The following USP40 variants were observed in gnomAD, a reference collection of about 807,000 sequenced individuals.
USP40 encodes the protein ubiquitin specific peptidase 40, also known as ubiquitin carboxyl-terminal hydrolase 40.
A neutral mutation model predicts 166.2 loss-of-function variants in USP40; 143 were observed. That is an observed-to-expected ratio of 0.86 (90% confidence interval 0.75 to 0.99). The LOEUF is 0.99. Ranked by LOEUF, USP40 falls within the 50% of genes least tolerant of loss-of-function variation. The pLI, the probability that USP40 is intolerant of heterozygous loss-of-function variation, is 0.00. For synonymous variants in USP40, 498 were observed against 524.0 expected (o/e 0.95, Z 0.68); for missense variants, 1,444 against 1,479.7 (o/e 0.98, Z 0.40).
chr2:233,477,825 C>A (rs1165798888), intron 31 of USP40, among the ~76,000 whole-genome samples: 1 of 152,250 alleles, frequency 6.6e-6, no homozygotes, highest in Non-Finnish European at 1.5e-5. Flanking sequence ...GAATAACATC[C>A]GGAGTGCACA....
rs527670015 is a variant in USP40, at chr2:233,502,583, T to C, written c.2614-2668A>G. Among the ~76,000 whole-genome samples, 26 of 152,152 alleles carry C rather than the reference T, an allele frequency of 1.7e-4. 1 individual carries two copies. Among genetic ancestry groups the C allele is most frequent in the African/African-American group, 5.8e-4 (24 of 41,520 alleles). On this transcript the variant is annotated intron_variant, in intron 21 of 31. Transcript: ENST00000678225. Reference sequence around the variant, plus strand: ...GCACAGCTGCCTGACCCACACATGTTTGCACCCAGCCCAATAGCAAGTGTG... The same window carrying C: ...GCACAGCTGCCTGACCCACACATGTCTGCACCCAGCCCAATAGCAAGTGTG...
intron 11 of USP40, 85 bp from the exon 12 acceptor site, chr2:233,529,597 G>T: frequency 1.1e-6 from 1 of 900,536 alleles, no homozygotes; most frequent in Non-Finnish European, 1.6e-6. Flanking sequence ...AGGAAGGACT[G>T]TCCTAGGAGC....
Position 233,486,485 on chromosome 2 carries a change from G to C in USP40, c.3198-508C>G, listed in dbSNP as rs1218501584. ...GTGAGACACAAGGCTGCAGCTGTGG[G>C]AGATGGGAAACCTTAGCAGGAGGAG... On this transcript the variant is annotated intron_variant, in intron 28 of 31. Coordinates refer to ENST00000678225, the MANE Select transcript of USP40 (RefSeq NM_001365479.2). This position sits in a 1 kb window ranked among gnomAD's most constrained non-coding sequence, Gnocchi z 4.0. Among the ~76,000 whole-genome samples, 1 of 152,190 alleles carries C rather than the reference G, an allele frequency of 6.6e-6. No individual in the cohort carries two copies.
At chr2:233,479,561 C>CAA (rs1295940321) in intron 31 of USP40, among the ~76,000 whole-genome samples, 1 of 96,356 alleles carries the variant, frequency 1.0e-5, no homozygotes. Flanking sequence ...GACTCCGTCG[C>CAA]AAAAAAAAAA....
At chr2:233,554,264 C>A in intron 6 of USP40, 116 bp downstream of exon 6, 1 of 1,081,558 alleles carries the variant, frequency 9.2e-7, no homozygotes, top group East Asian at 2.9e-5. Context: ...ATGTAAATAT[C>A]TTTTCAATCC....
In USP40 at chr2:233,510,494, C is replaced by T. The variant is rs1220752562; in HGVS notation, c.2527-359G>A. On this transcript the variant is annotated intron_variant, in intron 20 of 31. Transcript: ENST00000678225. ...CTTGGCTCACTGCAACCTCTGCTTC[C>T]CAAGTTCAAGCGATTCTCCTACCTC... is the stretch of plus-strand genomic sequence containing the variant. Among the ~76,000 whole-genome samples, 7 of 142,530 alleles carry T rather than the reference C, an allele frequency of 4.9e-5. No homozygotes were observed. The South Asian group carries it at 8.8e-4, about 18-fold the overall frequency. 93.5% of individuals were successfully genotyped at this position (142,530 alleles called of 152,430 possible).
chr2:233,478,085 A>G (rs1460656572), intron 31 of USP40, among the ~76,000 whole-genome samples: 1 of 152,228 alleles, frequency 6.6e-6, no homozygotes. Flanking sequence ...TCCGCGGCCC[A>G]CCCGCCATCC....
intron 10 of USP40, among the ~76,000 whole-genome samples, chr2:233,538,881 T>C (rs2069136183): frequency 6.6e-6 from 1 of 151,980 alleles, no homozygotes; most frequent in African/African-American, 2.4e-5. Flanking sequence ...AAAGAACACA[T>C]AGCCAGGTGT....
At chr2:233,556,156 A>G (rs1389281594) in intron 5 of USP40, among the ~76,000 whole-genome samples, 10 of 151,980 alleles carry the variant, frequency 6.6e-5, no homozygotes, top group Non-Finnish European at 1.3e-4. Context: ...GTCCTGATAC[A>G]AATACACAAA....
intron 11 of USP40, among the ~76,000 whole-genome samples, chr2:233,529,814 CTT>C (rs369071345): frequency 7.5e-6 from 1 of 133,950 alleles, no homozygotes; most frequent in African/African-American, 2.9e-5. Context: ...TTTTCTTTTT[CTT>C]TTTTTTTTTG....
intron 26 of USP40, chr2:233,490,933 A>G: frequency 1.5e-6 from 1 of 661,378 alleles, no homozygotes; most frequent in Non-Finnish European, 2.8e-6. Context: ...CACTGAGGAT[A>G]GATTGAAACA....
intron 4 of USP40, among the ~76,000 whole-genome samples, chr2:233,557,843 A>G (rs2071235039): frequency 6.6e-6 from 1 of 152,140 alleles, no homozygotes; most frequent in African/African-American, 2.4e-5. Context: ...CAATAAGGGA[A>G]GACAATTTCA....
intron 10 of USP40, among the ~76,000 whole-genome samples, chr2:233,536,724 T>A (rs4663684): frequency 0.79 from 120,448 of 152,130 alleles, 47,764 homozygotes; most frequent in East Asian, 0.87. Context: ...ATACATACAG[T>A]TGGTCCTCAG....
chr2:233,548,900 T>C (rs2070259510), intron 8 of USP40, among the ~76,000 whole-genome samples: 1 of 152,174 alleles, frequency 6.6e-6, no homozygotes, highest in South Asian at 2.1e-4. Flanking sequence ...GAGGTGTTTT[T>C]ACTATTCTGG....
rs776496442 is a variant in USP40, at chr2:233,499,929, C to T, written c.2614-14G>A. 3.1e-6 allele frequency: 5 copies of T among 1,609,484 alleles called. No individual in the cohort carries two copies. The African/African-American group carries it at 4.0e-5, about 13-fold the overall frequency. ...TAACTTTAAACACTGTAAAGAAAAA[C>T]AATGTCCAATGTTAGTTTTCTGTTT... On this transcript the variant is annotated splice_polypyrimidine_tract_variant and intron_variant, in intron 21 of 31. Coordinates refer to ENST00000678225, the MANE Select transcript of USP40 (RefSeq NM_001365479.2).
Position 233,564,534 on chromosome 2 carries a change from T to A in USP40, c.199+822A>T, listed in dbSNP as rs1161195321. 5.3e-5 allele frequency among the ~76,000 whole-genome samples: 8 copies of A among 152,222 alleles called. No homozygotes were observed. In the East Asian group the frequency reaches 1.5e-3, roughly 29 times the overall value. On this transcript the variant is annotated intron_variant, in intron 2 of 31. Coordinates refer to ENST00000678225, the MANE Select transcript of USP40 (RefSeq NM_001365479.2). ...AGGGTCCAGTAAGGTCAGGCTGGCTTCCTGCAGTTGATTTCTGAGATCCCC... is the reference window on the plus strand; with the variant it reads ...AGGGTCCAGTAAGGTCAGGCTGGCTACCTGCAGTTGATTTCTGAGATCCCC...
At position 233,477,208 on chromosome 2, in the gene USP40, C is replaced by T; in HGVS notation, c.*184G>A. 2 of 627,244 alleles carry T rather than the reference C, an allele frequency of 3.2e-6. No homozygotes were observed. The highest frequency in any genetic ancestry group is 5.7e-6 in the Non-Finnish European group (2 of 349,198). The allele number at this position is 627,244 out of a possible 1,614,324, so 38.9% of individuals were successfully genotyped here. On this transcript the variant is annotated 3_prime_UTR_variant, in exon 32 of 32. Transcript: ENST00000678225. ...GAGCTGCACCAGCCCCCGTGGCTGC[C>T]ACGTGTTGCAGAGCTAAGTGACTAC...
chr2:233,551,568 A>G, intron 6 of USP40, 49 bp from the exon 7 acceptor site: 1 of 1,508,270 alleles, frequency 6.6e-7, no homozygotes, highest in South Asian at 1.3e-5. Flanking sequence ...GGTTATATAA[A>G]AGGATACATA....
At position 233,555,004 on chromosome 2, in the gene USP40, A is replaced by G. The variant is rs569197530; in HGVS notation, c.547-478T>C. Among the ~76,000 whole-genome samples, 71 of 152,308 alleles carry G rather than the reference A, an allele frequency of 4.7e-4. 1 individual carries two copies. In the South Asian group the frequency reaches 0.015, roughly 32 times the overall value. ...AAAAATTATATGGCCAGCCTGGCCA[A>G]TATGGTGAAACCCTATCTCTACTAA... On this transcript the variant is annotated intron_variant, in intron 5 of 31. Transcript: ENST00000678225.
Sources: gnomAD v4.1 joint callset for allele counts (sites outside exome capture counted in the v4.1 genomes callset) on GRCh38, gnomAD v4.1.1 for gene constraint, Gnocchi (gnomAD v3.1) non-coding constraint, MANE v1.5 for transcripts, NCBI Gene and HGNC (gene_info 2026-07-23, HGNC 2026-07-21) for gene names.